Variants in DDAH1 observed in about 807,000 individuals in gnomAD.
DDAH1 encodes dimethylarginine dimethylaminohydrolase 1.
A neutral mutation model predicts 28.8 loss-of-function variants in DDAH1; 19 were observed. The observed-to-expected ratio is 0.66, with a 90% CI of 0.46 to 0.97. The LOEUF (loss-of-function observed/expected upper bound fraction) is 0.97. Ranked by LOEUF, DDAH1 falls within the 50% of genes least tolerant of loss-of-function variation. The pLI, the probability that DDAH1 is intolerant of heterozygous loss-of-function variation, is 0.00. For synonymous variants in DDAH1, 153 were observed against 154.4 expected (o/e 0.99, Z 0.07); for missense variants, 326 against 375.9 (o/e 0.87, Z 1.10).
At chr1:85,508,452 T>A (rs1384985730) in intron 1 of DDAH1, among the ~76,000 whole-genome samples, 1 of 152,210 alleles carries the variant, frequency 6.6e-6, no homozygotes, top group African/African-American at 2.4e-5. Flanking sequence ...ACCTGGTTCA[T>A]CTCATTGGGA....
chr1:85,400,213 C>T (rs11161610), intron 1 of DDAH1, among the ~76,000 whole-genome samples: 78,506 of 116,126 alleles, frequency 0.68, 26,371 homozygotes, highest in Middle Eastern at 0.74. Flanking sequence ...TTTTTTGAGA[C>T]GGAGTCTCAA....
intron 1 of DDAH1, chr1:85,398,395 T>A (rs2100570312): frequency 6.6e-6 from 1 of 152,346 alleles, no homozygotes; most frequent in South Asian, 2.1e-4. Flanking sequence ...AAAATTATGT[T>A]GCAAAAGAAA....
chr1:85,465,164 CAGA>C (rs1157416339), upstream of DDAH1: 2 of 1,149,714 alleles, frequency 1.7e-6, no homozygotes, highest in Admixed American at 4.8e-5. Flanking sequence ...GAATGTGGTG[CAGA>C]AGGAGCCCAG....
rs546690662 is a variant in DDAH1 at position 85,351,665 on chromosome 1, G to C, written c.404-86C>G. ...TTTATCTATAAATAATGACCTTAAA[G>C]CATCACACAGTTCTCTCTTACCACA... On this transcript the variant is annotated intron_variant, in intron 2 of 5. Transcript: ENST00000284031. The C allele has an allele frequency of 1.3e-3, 1,242 of 983,088 alleles. 5 individuals are homozygous for C. The highest frequency in any genetic ancestry group is 9.4e-3 in the Middle Eastern group (45 of 4,780). The allele number at this position is 983,088 out of a possible 1,614,324, so 60.9% of individuals were successfully genotyped here. A position where few individuals can be genotyped will look rare whatever the true frequency, so the allele number is the denominator to read the frequency against.
chr1:85,398,352 T>C (rs1279479933), intron 1 of DDAH1: 4 of 152,230 alleles, frequency 2.6e-5, no homozygotes, highest in African/African-American at 7.2e-5. Flanking sequence ...ACTCTGATTA[T>C]CTTTGGTAGA....
intron 1 of DDAH1, among the ~76,000 whole-genome samples, chr1:85,426,143 T>G (rs776694226): frequency 2.0e-5 from 3 of 152,206 alleles, no homozygotes; most frequent in Admixed American, 6.5e-5. Flanking sequence ...ATCATCACCA[T>G]AATCAAATAT....
chr1:85,407,402 C>T (rs1023653113), intron 1 of DDAH1, among the ~76,000 whole-genome samples: 1 of 152,168 alleles, frequency 6.6e-6, no homozygotes, highest in African/African-American at 2.4e-5. Context: ...ACTCACATTG[C>T]TAGACACTAT....
Position 85,371,186 on chromosome 1 carries a change from A to G in DDAH1, c.304-12339T>C, listed in dbSNP as rs183677795. Among the ~76,000 whole-genome samples the G allele has an allele frequency of 5.7e-3, 869 of 152,340 alleles. 3 individuals carry two copies. Among genetic ancestry groups the G allele is most frequent in the Non-Finnish European group, 9.0e-3 (612 of 68,024 alleles). ...ACGTACATTCATTATGATTGCACCA[A>G]TGCCATCTAGATCAAAGGTCTGGAA... On this transcript the variant is annotated intron_variant, in intron 1 of 5. Coordinates refer to ENST00000284031, the MANE Select transcript of DDAH1 (RefSeq NM_012137.4).
At chr1:85,540,628 C>T (rs1286668333) in intron 1 of DDAH1, among the ~76,000 whole-genome samples, 2 of 152,064 alleles carry the variant, frequency 1.3e-5, no homozygotes, top group African/African-American at 4.8e-5. Context: ...ACCATAAAGC[C>T]CAGCAACTTC....
intron 1 of DDAH1, among the ~76,000 whole-genome samples, chr1:85,506,868 A>G (rs1397386059): frequency 6.6e-6 from 1 of 152,180 alleles, no homozygotes; most frequent in African/African-American, 2.4e-5. Flanking sequence ...AGACAGAAAC[A>G]TAGGAGGCCA....
chr1:85,562,620 G>C (rs1485908241), intron 1 of DDAH1, among the ~76,000 whole-genome samples: 1 of 152,168 alleles, frequency 6.6e-6, no homozygotes, highest in Non-Finnish European at 1.5e-5. Context: ...GCACATGGAA[G>C]AGAAGCCATG....
intron 1 of DDAH1, among the ~76,000 whole-genome samples, chr1:85,426,635 T>C (rs1251851345): frequency 3.3e-5 from 5 of 152,100 alleles, no homozygotes; most frequent in African/African-American, 1.2e-4. Context: ...AAGCCCAGTG[T>C]GGAGGCTCAT....
At chr1:85,401,010 G>A (rs1652077141) in intron 1 of DDAH1, among the ~76,000 whole-genome samples, 1 of 152,140 alleles carries the variant, frequency 6.6e-6, no homozygotes, top group Non-Finnish European at 1.5e-5. Context: ...CAATGTGATT[G>A]CCTTCTTCAA....
intron 4 of DDAH1, among the ~76,000 whole-genome samples, chr1:85,326,700 C>T (rs2284797): frequency 0.15 from 22,868 of 152,136 alleles, 2,092 homozygotes; most frequent in Admixed American, 0.21. Context: ...CCTGTTATGA[C>T]CTGCTACCGT....
chr1:85,443,353 T>G lies in DDAH1; in HGVS notation c.303+21390A>C, dbSNP rs1203401973. On this transcript the variant is annotated intron_variant, in intron 1 of 5. Transcript: ENST00000284031. ...GATGGTTGTAGATGTGTGGTATTAT[T>G]TCTGAGGGCTCTGTTCTGTTCCATT... Among the ~76,000 whole-genome samples the G allele has an allele frequency of 2.0e-5, 3 of 152,320 alleles. No homozygotes were observed. In the South Asian group the frequency reaches 6.2e-4, roughly 32 times the overall value.
At chr1:85,379,836 T>C (rs955979439) in intron 1 of DDAH1, 7 of 392,572 alleles carry the variant, frequency 1.8e-5, no homozygotes, top group Non-Finnish European at 2.4e-5. Context: ...CTCACTCTTT[T>C]CCACGTTTCT....
At chr1:85,565,076 C>T (rs1215540883) in intron 1 of DDAH1, among the ~76,000 whole-genome samples, 3 of 151,428 alleles carry the variant, frequency 2.0e-5, no homozygotes, top group African/African-American at 7.3e-5. Context: ...GTGGCACACA[C>T]TTATAGTCCC....
chr1:85,540,068 A>G (rs1030503969), intron 1 of DDAH1, among the ~76,000 whole-genome samples: 6 of 152,128 alleles, frequency 3.9e-5, no homozygotes, highest in African/African-American at 1.4e-4. Flanking sequence ...TCTCTTTTTA[A>G]TAAAAAATTA....
At chr1:85,436,968 A>G (rs1275940214) in intron 1 of DDAH1, among the ~76,000 whole-genome samples, 1 of 152,212 alleles carries the variant, frequency 6.6e-6, no homozygotes, top group African/African-American at 2.4e-5. Context: ...CTTCCCAGGA[A>G]TGGGAAGACT....
Sources: gnomAD v4.1 joint callset for allele counts (sites outside exome capture counted in the v4.1 genomes callset) on GRCh38, gnomAD v4.1.1 for gene constraint, MANE v1.5 for transcripts, NCBI Gene and HGNC (gene_info 2026-07-23, HGNC 2026-07-21) for gene names.